The following CIMIP2C variants were observed in gnomAD, a reference collection of about 807,000 sequenced individuals.
CIMIP2C encodes UPF0573 protein C2orf70.
At chr2:26,571,685 G>A in the CIMIP2C span, among the ~76,000 whole-genome samples, 6 of 152,142 alleles carry the variant, frequency 3.9e-5, 1 homozygote, top group Admixed American at 6.5e-5. Flanking sequence ...GAATTATCCA[G>A]GGTCAACGTT....
the CIMIP2C span, chr2:26,576,273 C>T: frequency 1.5e-6 from 2 of 1,363,280 alleles, no homozygotes; most frequent in African/African-American, 1.4e-5. Context: ...AGACCTCGCA[C>T]CTGCCACAGT....
At chr2:26,576,259 G>C in the CIMIP2C span, 1 of 1,475,198 alleles carries the variant, frequency 6.8e-7, no homozygotes, top group Non-Finnish European at 9.2e-7. Context: ...CAGGGGCCAG[G>C]GGGAGACCTC....
At chr2:26,573,251 G>A in the CIMIP2C span, among the ~76,000 whole-genome samples, 1 of 152,196 alleles carries the variant, frequency 6.6e-6, no homozygotes, top group Non-Finnish European at 1.5e-5. Context: ...CCAGAAGGAG[G>A]GAGGGAATCT....
At chr2:26,562,657 C>G in the CIMIP2C span, 3 of 1,584,060 alleles carry the variant, frequency 1.9e-6, no homozygotes, top group East Asian at 4.7e-5. Context: ...AGTTCAATGC[C>G]GCCTACGTGC....
At chr2:26,569,643 G>C in the CIMIP2C span, among the ~76,000 whole-genome samples, 2 of 152,168 alleles carry the variant, frequency 1.3e-5, no homozygotes, top group Non-Finnish European at 2.9e-5. Context: ...TCAGGGAAGG[G>C]ACTGCTCCTT....
the CIMIP2C span, among the ~76,000 whole-genome samples, chr2:26,572,532 C>T: frequency 5.3e-5 from 8 of 152,248 alleles, no homozygotes; most frequent in Admixed American, 2.0e-4. Context: ...CTTTTCCCTG[C>T]GGAATGCTGT....
the CIMIP2C span, chr2:26,577,489 G>T: frequency 1.2e-5 from 19 of 1,600,786 alleles, no homozygotes; most frequent in Non-Finnish European, 1.5e-5. Flanking sequence ...CTAACAACCT[G>T]TCATCTCTTC....
chr2:26,572,100 T>C, the CIMIP2C span: 8 of 1,543,898 alleles, frequency 5.2e-6, no homozygotes, highest in East Asian at 2.5e-5. Context: ...TTTCTAACGA[T>C]GTGTTTCAAT....
At chr2:26,579,463 G>T in the CIMIP2C span, 44 of 1,607,642 alleles carry the variant, frequency 2.7e-5, no homozygotes, top group South Asian at 4.7e-4. Context: ...AGCAGAGCCT[G>T]ATGCCTGAGA....
the CIMIP2C span, among the ~76,000 whole-genome samples, chr2:26,568,493 A>AAGG: frequency 4.6e-5 from 7 of 152,238 alleles, no homozygotes; most frequent in African/African-American, 4.8e-5. Context: ...AGAACAGGTG[A>AAGG]TCAGGGGCTC....
the CIMIP2C span, among the ~76,000 whole-genome samples, chr2:26,571,261 G>A: frequency 2.0e-4 from 30 of 152,282 alleles, no homozygotes; most frequent in African/African-American, 7.0e-4. Flanking sequence ...GCCTGGGGAA[G>A]GAGCCAGACC....
chr2:26,567,118 G>A, the CIMIP2C span, among the ~76,000 whole-genome samples: 2 of 152,316 alleles, frequency 1.3e-5, no homozygotes, highest in East Asian at 3.9e-4. Flanking sequence ...TTTGAAGCCA[G>A]TAGGCACTGC....
the CIMIP2C span, chr2:26,578,179 G>GC: frequency 2.6e-5 from 4 of 156,820 alleles, no homozygotes; most frequent in Non-Finnish European, 4.2e-5. Context: ...GGCCCACTCT[G>GC]CCCTGAAAGA....
the CIMIP2C span, chr2:26,577,800 G>A: frequency 3.7e-6 from 2 of 546,184 alleles, no homozygotes; most frequent in African/African-American, 2.0e-5. Context: ...GGCATTGGCA[G>A]CCTCAGGGGG....
chr2:26,575,994 C>T, the CIMIP2C span: 1 of 1,614,170 alleles, frequency 6.2e-7, no homozygotes, highest in Admixed American at 1.7e-5. Context: ...CGCAACAGAG[C>T]CATGGAGAAG....
chr2:26,564,901 G>C, the CIMIP2C span, among the ~76,000 whole-genome samples: 3 of 152,188 alleles, frequency 2.0e-5, no homozygotes, highest in Non-Finnish European at 2.9e-5. Flanking sequence ...CCCCACGCTG[G>C]TGATTGAAGT....
chr2:26,568,139 A>G, the CIMIP2C span, among the ~76,000 whole-genome samples: 1 of 152,146 alleles, frequency 6.6e-6, no homozygotes, highest in South Asian at 2.1e-4. Context: ...TCCCAGATTC[A>G]AGCCCAAAAT....
chr2:26,569,050 A>C, the CIMIP2C span, among the ~76,000 whole-genome samples: 86 of 151,710 alleles, frequency 5.7e-4, no homozygotes, highest in Middle Eastern at 3.2e-3. Context: ...AAAGAAAAAC[A>C]ATATGAACTG....
the CIMIP2C span, chr2:26,578,276 G>C: frequency 2.4e-4 from 39 of 165,494 alleles, no homozygotes; most frequent in Non-Finnish European, 3.0e-4. Context: ...TCCTGGAGTG[G>C]GGTAGGGTGG....
Sources: gnomAD v4.1 joint callset for allele counts (sites outside exome capture counted in the v4.1 genomes callset) on GRCh38, gnomAD v4.1.1 for gene constraint, MANE v1.5 for transcripts, NCBI Gene and HGNC (gene_info 2026-07-23, HGNC 2026-07-21) for gene names.